EPB41L5: variants seen among roughly 807,000 people sequenced by gnomAD.
EPB41L5 encodes band 4.1-like protein 5.
In EPB41L5, 55 loss-of-function variants were observed where a neutral mutation model predicts 106.6. That is an observed-to-expected ratio of 0.52 (90% confidence interval 0.42 to 0.65). EPB41L5 has a LOEUF of 0.65. EPB41L5 is among the 30% of genes least tolerant of loss of function. EPB41L5 has a pLI of 0.00. For synonymous variants in EPB41L5, 297 were observed against 306.7 expected (o/e 0.97, Z 0.33); for missense variants, 871 against 882.1 (o/e 0.99, Z 0.16).
In EPB41L5 at chr2:120,175,103, CAA is replaced by C; in HGVS notation, c.*199_*200del. On this transcript the variant is annotated 3_prime_UTR_variant, in exon 25 of 25. Coordinates refer to ENST00000263713, the MANE Select transcript of EPB41L5 (RefSeq NM_020909.4). ...TGTTGAATCACACTGCATAGCTGCC[CAA>C]AAGAGAGTGTTTGGTCTTGAACTTT... 1.7e-6 allele frequency: 1 copy of C among 582,842 alleles called. No individual in the cohort carries two copies. The highest frequency in any genetic ancestry group is 3.1e-6 in the Non-Finnish European group (1 of 321,878). The allele number at this position is 582,842 out of a possible 1,614,324, so 36.1% of individuals were successfully genotyped here.
intron 19 of EPB41L5, among the ~76,000 whole-genome samples, chr2:120,144,845 G>A (rs979333408): frequency 1.3e-5 from 2 of 152,160 alleles, no homozygotes; most frequent in Admixed American, 6.5e-5. Flanking sequence ...TGGGGAAAAT[G>A]TTGGTTTATC....
chr2:120,154,109 T>C (rs1686798982), intron 20 of EPB41L5, among the ~76,000 whole-genome samples: 1 of 151,560 alleles, frequency 6.6e-6, no homozygotes, highest in Non-Finnish European at 1.5e-5. Context: ...TTTTTTTTCA[T>C]GAGCATACCC....
chr2:120,032,430 A>G (rs6542561), intron 2 of EPB41L5, among the ~76,000 whole-genome samples: 104,623 of 152,078 alleles, frequency 0.69, 37,562 homozygotes, highest in Non-Finnish European at 0.79. Context: ...GTGATATGTA[A>G]TAATAAGCAA....
At chr2:120,141,596 G>A (rs994818281) in intron 18 of EPB41L5, among the ~76,000 whole-genome samples, 1 of 152,074 alleles carries the variant, frequency 6.6e-6, no homozygotes, top group Non-Finnish European at 1.5e-5. Flanking sequence ...AAAAGGGGAG[G>A]TTCAACTATT....
chr2:120,116,922 G>A (rs968011006), intron 16 of EPB41L5, among the ~76,000 whole-genome samples: 12 of 151,992 alleles, frequency 7.9e-5, no homozygotes, highest in Admixed American at 5.2e-4. Flanking sequence ...GGGAATTTGC[G>A]TAATATAAAA....
intron 2 of EPB41L5, among the ~76,000 whole-genome samples, chr2:120,035,936 G>A (rs987358733): frequency 3.9e-5 from 6 of 152,146 alleles, no homozygotes; most frequent in Admixed American, 3.9e-4. Flanking sequence ...GAGTGTGTGT[G>A]TGGTAATGGT....
chr2:120,079,181 CT>C (rs1286143862), intron 10 of EPB41L5, among the ~76,000 whole-genome samples: 1 of 152,160 alleles, frequency 6.6e-6, no homozygotes, highest in African/African-American at 2.4e-5. Context: ...TAGGTGTTTA[CT>C]TTTGTACACT....
intron 1 of EPB41L5, among the ~76,000 whole-genome samples, chr2:120,017,500 G>A (rs1480318357): frequency 1.3e-5 from 2 of 152,114 alleles, no homozygotes; most frequent in African/African-American, 2.4e-5. Flanking sequence ...TCTCTTTGTT[G>A]TGCAAATGAA....
chr2:120,058,297 C>T (rs1680796431), intron 3 of EPB41L5, among the ~76,000 whole-genome samples: 1 of 152,076 alleles, frequency 6.6e-6, no homozygotes, highest in Non-Finnish European at 1.5e-5. Context: ...GTGATCCACC[C>T]ACCTCAGCCT....
At chr2:120,133,058 G>A (rs931051579) in intron 18 of EPB41L5, among the ~76,000 whole-genome samples, 8 of 152,146 alleles carry the variant, frequency 5.3e-5, no homozygotes, top group African/African-American at 1.9e-4. Context: ...GTTCAGGATA[G>A]GAGAGTAAAG....
Position 120,160,984 on chromosome 2 carries a change from C to G in EPB41L5, c.1887+10C>G, listed in dbSNP as rs1465532433. The stretch of plus-strand genomic sequence containing the variant: ...TGGTTCTGTTCTAAAGGTAAGAATA[C>G]TTTTACTTCTTAAAATTTTTGCCAA... On this transcript the variant is annotated intron_variant, in intron 21 of 24. Transcript: ENST00000263713. The G allele has an allele frequency of 6.2e-7, 1 of 1,605,876 alleles. No homozygotes were observed. Among genetic ancestry groups the G allele is most frequent in the African/African-American group, 1.3e-5 (1 of 74,698 alleles).
At chr2:120,061,558 G>A (rs996486678) in intron 3 of EPB41L5, among the ~76,000 whole-genome samples, 24 of 151,300 alleles carry the variant, frequency 1.6e-4, no homozygotes, top group African/African-American at 5.6e-4. Context: ...CACCACGTTG[G>A]GTGGGCTGGT....
chr2:120,152,482 G>A (rs1686723824), intron 20 of EPB41L5, among the ~76,000 whole-genome samples: 1 of 152,058 alleles, frequency 6.6e-6, no homozygotes. Flanking sequence ...CCAACTCCTG[G>A]CCTTAAGCAG....
intron 16 of EPB41L5, among the ~76,000 whole-genome samples, chr2:120,125,737 G>A (rs925571609): frequency 3.3e-5 from 5 of 152,166 alleles, no homozygotes; most frequent in Admixed American, 3.3e-4. Context: ...CTGATGTGGT[G>A]CTCTAAGGCT....
At chr2:120,048,247 T>C (rs1319494442) in intron 3 of EPB41L5, among the ~76,000 whole-genome samples, 5 of 152,190 alleles carry the variant, frequency 3.3e-5, no homozygotes, top group South Asian at 2.1e-4. Flanking sequence ...CCAGCTCCTC[T>C]TTGTACCTCT....
intron 3 of EPB41L5, among the ~76,000 whole-genome samples, chr2:120,061,469 C>T (rs1019029043): frequency 5.1e-4 from 78 of 151,712 alleles, no homozygotes; most frequent in Non-Finnish European, 7.4e-4. Context: ...GTGATCCGCC[C>T]GCCTCGGCCT....
intron 2 of EPB41L5, among the ~76,000 whole-genome samples, chr2:120,029,688 T>G (rs1196711259): frequency 6.6e-6 from 1 of 152,220 alleles, no homozygotes; most frequent in Non-Finnish European, 1.5e-5. Flanking sequence ...TTTCAGATCT[T>G]TACTTTTAAA....
At chr2:120,078,199 A>G (rs1053522536) in intron 9 of EPB41L5, among the ~76,000 whole-genome samples, 1 of 152,168 alleles carries the variant, frequency 6.6e-6, no homozygotes, top group African/African-American at 2.4e-5. Context: ...TGGTAAGTAT[A>G]ATATGGGAAG....
chr2:120,112,164 C>T (rs1684754807), intron 16 of EPB41L5, among the ~76,000 whole-genome samples: 1 of 152,022 alleles, frequency 6.6e-6, no homozygotes, highest in Non-Finnish European at 1.5e-5. Context: ...TTTGTTTGTC[C>T]TCTCTATACA....
Sources: gnomAD v4.1 joint callset for allele counts (sites outside exome capture counted in the v4.1 genomes callset) on GRCh38, gnomAD v4.1.1 for gene constraint, MANE v1.5 for transcripts, NCBI Gene and HGNC (gene_info 2026-07-23, HGNC 2026-07-21) for gene names.